The following PRKCQ variants were observed in gnomAD, a reference collection of about 807,000 sequenced individuals.
PRKCQ encodes protein kinase C theta type.
Under a neutral mutation model 91.2 loss-of-function variants are expected in PRKCQ, and 41 were observed. The observed-to-expected ratio is 0.45, with a 90% CI of 0.35 to 0.58. The LOEUF (loss-of-function observed/expected upper bound fraction) is 0.58. Ranked by LOEUF, PRKCQ falls within the 20% of genes least tolerant of loss-of-function variation. The pLI is 0.00. For synonymous variants in PRKCQ, 307 were observed against 316.9 expected (o/e 0.97, Z 0.33); for missense variants, 673 against 896.5 (o/e 0.75, Z 3.18).
At chr10:6,564,675 A>G (rs941063737) in intron 1 of PRKCQ, among the ~76,000 whole-genome samples, 4 of 152,196 alleles carry the variant, frequency 2.6e-5, no homozygotes, top group African/African-American at 9.7e-5. Flanking sequence ...CCGCCAAGCC[A>G]AGGCTGACCC....
At chr10:6,408,703 A>G in the PRKCQ span, among the ~76,000 whole-genome samples, 1 of 152,180 alleles carries the variant, frequency 6.6e-6, no homozygotes, top group South Asian at 2.1e-4. Flanking sequence ...TGTGATAAAC[A>G]TTTCCTGAGA....
the PRKCQ span, among the ~76,000 whole-genome samples, chr10:6,397,521 T>C: frequency 6.6e-6 from 1 of 152,286 alleles, no homozygotes; most frequent in Non-Finnish European, 1.5e-5. Flanking sequence ...CTTGGCTGTC[T>C]CTTCACTTCC....
In PRKCQ at chr10:6,495,658, C is replaced by G. The variant is rs116420419; in HGVS notation, c.660+1377G>C. ...AGGACCACGTCTGTTTTGTGTTATG[C>G]TGTCATTGGAAGAATGCGGTATCTT... On this transcript the variant is annotated intron_variant, in intron 7 of 17. Coordinates refer to ENST00000263125, the MANE Select transcript of PRKCQ (RefSeq NM_006257.5). Among the ~76,000 whole-genome samples the G allele has an allele frequency of 7.0e-3, 1,060 of 152,246 alleles. 8 individuals carry two copies. The highest frequency in any genetic ancestry group is 0.024 in the African/African-American group (1,001 of 41,526).
chr10:6,535,742 G>A (rs1487538986), intron 1 of PRKCQ, among the ~76,000 whole-genome samples: 1 of 152,006 alleles, frequency 6.6e-6, no homozygotes, highest in Non-Finnish European at 1.5e-5. Flanking sequence ...CCCTCGCCGC[G>A]CCTCTTTAGA....
intron 2 of PRKCQ, 73 bp from the exon 3 acceptor site, chr10:6,511,267 T>A: frequency 2.2e-6 from 3 of 1,353,036 alleles, no homozygotes; most frequent in Non-Finnish European, 3.2e-6. Flanking sequence ...AACTCAACAG[T>A]AGCACCTGCT....
At chr10:6,407,649 T>C in the PRKCQ span, among the ~76,000 whole-genome samples, 1 of 152,052 alleles carries the variant, frequency 6.6e-6, no homozygotes, top group Non-Finnish European at 1.5e-5. This position sits in a 1 kb window ranked among gnomAD's most constrained non-coding sequence, Gnocchi z 4.0. Flanking sequence ...GTATATGGGT[T>C]GCATGTGAAT....
Position 6,502,827 on chromosome 10 carries a change from C to G in PRKCQ, c.380-4269G>C, listed in dbSNP as rs186724838. On this transcript the variant is annotated intron_variant, in intron 4 of 17. Transcript: ENST00000263125. ...GAGTGAGTTATTATATAATTAAGTA[C>G]GATAGTAAGTTACAAAAGAAATAGG... Among the ~76,000 whole-genome samples, 5 of 152,178 alleles carry G rather than the reference C, an allele frequency of 3.3e-5. No homozygotes were observed. In the South Asian group the frequency reaches 1.0e-3, roughly 32 times the overall value.
At chr10:6,486,650 C>A (rs1836936293) in intron 8 of PRKCQ, among the ~76,000 whole-genome samples, 1 of 152,256 alleles carries the variant, frequency 6.6e-6, no homozygotes, top group Non-Finnish European at 1.5e-5. Context: ...AAGCTGTTTT[C>A]TTCTACCAAC....
chr10:6,452,825 G>T (rs1490137395), intron 15 of PRKCQ, among the ~76,000 whole-genome samples: 1,623 of 114,078 alleles, frequency 0.014, no homozygotes, highest in East Asian at 0.018. Flanking sequence ...AATGGGGAAA[G>T]GATTCCCTAT....
At chr10:6,562,489 A>G (rs952216437) in intron 1 of PRKCQ, among the ~76,000 whole-genome samples, 1 of 152,224 alleles carries the variant, frequency 6.6e-6, no homozygotes, top group Non-Finnish European at 1.5e-5. Flanking sequence ...ATGCTCAACC[A>G]GAGTGAGTGT....
At chr10:6,486,932 G>A (rs1462271481) in intron 8 of PRKCQ, among the ~76,000 whole-genome samples, 1 of 152,212 alleles carries the variant, frequency 6.6e-6, no homozygotes, top group Non-Finnish European at 1.5e-5. Context: ...GCAATGCCAG[G>A]AGAGGTCACG....
chr10:6,568,622 C>T (rs545035512), intron 1 of PRKCQ, among the ~76,000 whole-genome samples: 54 of 151,816 alleles, frequency 3.6e-4, no homozygotes, highest in Middle Eastern at 3.4e-3. Flanking sequence ...CTCAGCCTCC[C>T]GAGTAGTTGG....
the PRKCQ span, among the ~76,000 whole-genome samples, chr10:6,403,779 A>G: frequency 2.0e-5 from 3 of 152,206 alleles, no homozygotes; most frequent in Admixed American, 1.3e-4. Context: ...TTGTATTCCC[A>G]GTGCCTAAGA....
At chr10:6,551,275 T>G (rs909553285) in intron 1 of PRKCQ, among the ~76,000 whole-genome samples, 1 of 152,232 alleles carries the variant, frequency 6.6e-6, no homozygotes, top group African/African-American at 2.4e-5. Context: ...TGTTTCTGTG[T>G]TAGTTTGCTA....
At chr10:6,436,482 T>A (rs2132243928) in intron 16 of PRKCQ, among the ~76,000 whole-genome samples, 1 of 152,272 alleles carries the variant, frequency 6.6e-6, no homozygotes, top group East Asian at 1.9e-4. Context: ...CATGTGCAGA[T>A]ATGGGCAACC....
chr10:6,423,719 G>C (rs552084292), downstream of PRKCQ, among the ~76,000 whole-genome samples: 1 of 152,322 alleles, frequency 6.6e-6, no homozygotes, highest in East Asian at 1.9e-4. Context: ...CCTGGCTTCT[G>C]CTGCCCATCC....
chr10:6,415,498 A>G, the PRKCQ span, among the ~76,000 whole-genome samples: 1 of 144,988 alleles, frequency 6.9e-6, no homozygotes, highest in African/African-American at 2.6e-5. Context: ...TCATTCATGA[A>G]CTTCAGGTTA....
chr10:6,498,449 A>T lies in PRKCQ; in HGVS notation c.489T>A (p.Thr163=), dbSNP rs765895760. ...ATGTGGGCTGTGGGAAGAAGGTGGC[A>T]GTGAACTCGTGGCACTTGACGTGGT... The part of the protein sequence containing the change: ...KVHHVKCHEF[T]ATFFPQPTFC... The change falls in exon 5 of 18, where the codon ACT becomes ACA. Residue 163 remains threonine (T), a synonymous_variant. Transcript: ENST00000263125. The T allele has an allele frequency of 6.2e-7, 1 of 1,614,224 alleles. No individual in the cohort carries two copies. Among genetic ancestry groups the T allele is most frequent in the Non-Finnish European group, 8.5e-7 (1 of 1,180,032 alleles).
At chr10:6,528,993 A>G (rs1839293320) in intron 1 of PRKCQ, among the ~76,000 whole-genome samples, 1 of 152,212 alleles carries the variant, frequency 6.6e-6, no homozygotes, top group Admixed American at 6.5e-5. Flanking sequence ...ATTGGGTGAT[A>G]TAAACAGAGA....
Sources: allele counts gnomAD v4.1 joint callset (sites outside exome capture counted in the v4.1 genomes callset), GRCh38; gene constraint gnomAD v4.1.1; non-coding constraint Gnocchi (gnomAD v3.1); transcripts MANE v1.5; gene names NCBI Gene and HGNC (gene_info 2026-07-23, HGNC 2026-07-21).